Variants in SLC5A10 observed in about 807,000 individuals in gnomAD.
SLC5A10 encodes sodium/mannose cotransporter SLC5A10.
In SLC5A10, 55 loss-of-function variants were observed where a neutral mutation model predicts 68.9. That is an observed-to-expected ratio of 0.80 (90% CI 0.64 to 1.00). The LOEUF is 1.00. SLC5A10 is among the 50% of genes least tolerant of loss of function. The pLI is 0.00. For missense variants in SLC5A10, 732 were observed against 819.3 expected (o/e 0.89, Z 1.30); for synonymous variants, 344 against 344.8 (o/e 1.00, Z 0.02).
chr17:19,011,366 C>T (rs182798302), intron 9 of SLC5A10, among the ~76,000 whole-genome samples: 69 of 152,248 alleles, frequency 4.5e-4, no homozygotes, highest in East Asian at 3.5e-3. Context: ...GGCATGGAGG[C>T]GTCCAAGTGC....
At chr17:18,994,057 G>A (rs1185492985) in intron 9 of SLC5A10, among the ~76,000 whole-genome samples, 1 of 152,222 alleles carries the variant, frequency 6.6e-6, no homozygotes, top group Non-Finnish European at 1.5e-5. Flanking sequence ...CCAGCTGGAA[G>A]GCTGTAAGTG....
chr17:18,971,145 C>T lies in SLC5A10; in HGVS notation c.773C>T (p.Thr258Ile). ...DAMHMFRDPHTGDLPWTGMTF... is the reference protein window; with the variant it reads ...DAMHMFRDPHIGDLPWTGMTF... Reference sequence around the variant, plus strand: ...ATGCACATGTTTCGAGACCCCCACACAGGGGACCTGCCGTGGACCGGGATG... The same window carrying T: ...ATGCACATGTTTCGAGACCCCCACATAGGGGACCTGCCGTGGACCGGGATG... Residue 258 changes from threonine (T) to isoleucine (I), a missense_variant, in exon 8 of 15, where the codon ACA (threonine) becomes ATA (isoleucine). Transcript: ENST00000395645. This position sits in a 1 kb window ranked among gnomAD's most constrained non-coding sequence, Gnocchi z 5.5. The T allele has an allele frequency of 2.5e-6, 4 of 1,614,092 alleles. No individual in the cohort carries two copies. The highest frequency in any genetic ancestry group is 2.2e-5 in the East Asian group (1 of 44,882).
At chr17:18,958,615 T>A in intron 1 of SLC5A10, 67 bp from the exon 2 acceptor site, 1 of 1,458,010 alleles carries the variant, frequency 6.9e-7, no homozygotes, top group Non-Finnish European at 9.6e-7. Flanking sequence ...TGCCAAGCCG[T>A]TTCCCATTCG....
intron 10 of SLC5A10, among the ~76,000 whole-genome samples, chr17:19,014,763 G>A (rs1246156260): frequency 2.6e-5 from 4 of 152,156 alleles, no homozygotes; most frequent in African/African-American, 7.2e-5. Flanking sequence ...AGGCCTGATC[G>A]CAGCCTCAGC....
chr17:18,959,496 G>T, intron 3 of SLC5A10, 108 bp from the exon 4 acceptor site: 1 of 1,257,992 alleles, frequency 7.9e-7, no homozygotes, highest in Non-Finnish European at 1.1e-6. Flanking sequence ...AGGAGGGGCT[G>T]GGGGAAGCCA....
At chr17:18,981,452 G>C (rs150625479) in intron 9 of SLC5A10, among the ~76,000 whole-genome samples, 1 of 152,186 alleles carries the variant, frequency 6.6e-6, no homozygotes, top group Non-Finnish European at 1.5e-5. Context: ...CAGCAAGAGC[G>C]ATGGGGTTGG....
intron 9 of SLC5A10, among the ~76,000 whole-genome samples, chr17:18,992,804 G>A (rs538203786): frequency 8.5e-5 from 13 of 152,250 alleles, no homozygotes; most frequent in South Asian, 2.1e-4. Context: ...GCCTGGTGCC[G>A]GGCAGGGCCT....
chr17:18,995,020 C>T (rs2043527407), intron 9 of SLC5A10, among the ~76,000 whole-genome samples: 1 of 152,156 alleles, frequency 6.6e-6, no homozygotes, highest in Admixed American at 6.5e-5. Context: ...TTCCAAGTAA[C>T]CTAACTGCAT....
At chr17:18,955,534 T>G (rs1367530658) in intron 1 of SLC5A10, among the ~76,000 whole-genome samples, 1 of 152,160 alleles carries the variant, frequency 6.6e-6, no homozygotes, top group Non-Finnish European at 1.5e-5. Flanking sequence ...GCCCCAGATA[T>G]AAGAAGGCAA....
At chr17:18,958,461 C>G (rs1206992431) in intron 1 of SLC5A10, among the ~76,000 whole-genome samples, 2 of 152,188 alleles carry the variant, frequency 1.3e-5, no homozygotes, top group African/African-American at 4.8e-5. Flanking sequence ...GTTGTTTTCA[C>G]TTTTGGCTAT....
rs756740100 is a variant in SLC5A10, at chr17:18,978,585, C to T, written c.982+1596C>T. ...TCCTGCTTCTCAGAGGAGATCTTGG[C>T]AATCTCGTCGACGCTCTTGGCCTTG... On this transcript the variant is annotated intron_variant, in intron 9 of 14. Coordinates refer to ENST00000395645, the MANE Select transcript of SLC5A10 (RefSeq NM_001042450.4). 5 of 1,613,162 alleles carry T rather than the reference C, an allele frequency of 3.1e-6. No individual in the cohort carries two copies. In the Admixed American group the frequency reaches 8.3e-5, roughly 27 times the overall value.
At position 19,004,194 on chromosome 17, in the gene SLC5A10, G is replaced by A. The variant is rs948100752; in HGVS notation, c.983-9216G>A. On this transcript the variant is annotated intron_variant, in intron 9 of 14. Transcript: ENST00000395645. This position sits in a 1 kb window ranked among gnomAD's most constrained non-coding sequence, Gnocchi z 5.4. Reference sequence around the variant, plus strand: ...TCTGCGGGAAAGACCTGATGAGCCCGGCTCGGCGGGGAGGGCGGGCCGCGC... The same window carrying A: ...TCTGCGGGAAAGACCTGATGAGCCCAGCTCGGCGGGGAGGGCGGGCCGCGC... 58 of 673,544 alleles carry A rather than the reference G, an allele frequency of 8.6e-5. No individual in the cohort carries two copies. The African/African-American group carries it at 1.1e-3, about 12-fold the overall frequency. The allele number at this position is 673,544 out of a possible 1,614,324, so 41.7% of individuals were successfully genotyped here. A position where few individuals can be genotyped will look rare whatever the true frequency, so the allele number is the denominator to read the frequency against.
chr17:18,953,128 CTTTTTT>C (rs34638037), intron 1 of SLC5A10, among the ~76,000 whole-genome samples: 13 of 125,230 alleles, frequency 1.0e-4, no homozygotes, highest in African/African-American at 3.5e-4. Flanking sequence ...AGTACCCCTT[CTTTTTT>C]TTTTTTTTTT....
rs2043804550 is a variant in SLC5A10, at chr17:19,003,900, C to T, written c.983-9510C>T. ...CGGATGTTCTCCCGCTTGAGCACCT[C>T]GTAGAAGGCGTCCCGGCCGCGGGCC... On this transcript the variant is annotated intron_variant, in intron 9 of 14. Coordinates refer to ENST00000395645, the MANE Select transcript of SLC5A10 (RefSeq NM_001042450.4). The surrounding 1 kb of genome is among the most constrained non-coding windows in gnomAD (Gnocchi z 4.5). 1.9e-6 allele frequency: 3 copies of T among 1,612,908 alleles called. No individual in the cohort carries two copies. The highest frequency in any genetic ancestry group is 1.7e-5 in the Admixed American group (1 of 60,016).
At chr17:18,994,150 C>T (rs142387600) in intron 9 of SLC5A10, among the ~76,000 whole-genome samples, 113 of 152,322 alleles carry the variant, frequency 7.4e-4, no homozygotes, top group African/African-American at 2.4e-3. Flanking sequence ...ATTCAACTTC[C>T]ACTTACAGCC....
chr17:18,991,055 C>CTTT (rs2043409846), intron 9 of SLC5A10, among the ~76,000 whole-genome samples: 3 of 152,120 alleles, frequency 2.0e-5, no homozygotes, highest in Non-Finnish European at 4.4e-5. Context: ...TTGTTCAGGC[C>CTTT]TCACAAGCAC....
Position 19,004,113 on chromosome 17 carries a change from G to A in SLC5A10, c.983-9297G>A, listed in dbSNP as rs988269497. 19 of 1,463,698 alleles carry A rather than the reference G, an allele frequency of 1.3e-5. No individual in the cohort carries two copies. Among genetic ancestry groups the A allele is most frequent in the African/African-American group, 1.1e-4 (8 of 70,426 alleles). 90.7% of individuals were successfully genotyped at this position (1,463,698 alleles called of 1,614,324 possible). A position where few individuals can be genotyped will look rare whatever the true frequency, so the allele number is the denominator to read the frequency against. ...CCAGCTCCTAGCTCCGGCCCAGCTG[G>A]GGCACCGCGCGCTCGGGGGCCTCTC... On this transcript the variant is annotated intron_variant, in intron 9 of 14. Coordinates refer to ENST00000395645, the MANE Select transcript of SLC5A10 (RefSeq NM_001042450.4). The surrounding 1 kb of genome is among the most constrained non-coding windows in gnomAD (Gnocchi z 5.4).
At chr17:18,976,548 C>T (rs2042985008) in intron 8 of SLC5A10, 1 of 362,676 alleles carries the variant, frequency 2.8e-6, no homozygotes, top group Non-Finnish European at 5.0e-6. Flanking sequence ...CCAGGGTCTC[C>T]TCCAGCCCTG....
intron 1 of SLC5A10, among the ~76,000 whole-genome samples, chr17:18,953,046 G>A (rs746561071): frequency 2.6e-5 from 4 of 152,018 alleles, no homozygotes; most frequent in Non-Finnish European, 2.9e-5. Flanking sequence ...GGGGATGTTG[G>A]GCTCCACTTC....
Sources: gnomAD v4.1 joint callset for allele counts (sites outside exome capture counted in the v4.1 genomes callset) on GRCh38, gnomAD v4.1.1 for gene constraint, Gnocchi (gnomAD v3.1) non-coding constraint, MANE v1.5 for transcripts, NCBI Gene and HGNC (gene_info 2026-07-23, HGNC 2026-07-21) for gene names.